EZH1: variants seen among roughly 807,000 people sequenced by gnomAD.
EZH1 encodes the protein histone-lysine N-methyltransferase EZH1.
In EZH1, 33 loss-of-function variants were observed where a neutral mutation model predicts 100.5. The ratio of observed to expected loss-of-function variants is 0.33; its 90% CI spans 0.25 to 0.44. The LOEUF (loss-of-function observed/expected upper bound fraction) is 0.44, where lower values mean the gene tolerates loss of function less well. EZH1 is among the 20% of genes least tolerant of loss of function. The pLI, the probability that EZH1 is intolerant of heterozygous loss-of-function variation, is 1.00. For missense variants in EZH1, 475 were observed against 928.4 expected (o/e 0.51, Z 6.35); for synonymous variants, 272 against 313.8 (o/e 0.87, Z 1.41).
intron 13 of EZH1, chr17:42,709,643 G>C (rs2053436226): frequency 1.8e-6 from 1 of 544,520 alleles, no homozygotes; most frequent in Admixed American, 3.1e-5. Context: ...ACAGCACTGG[G>C]GGACAAGAAG....
Position 42,706,313 on chromosome 17 carries a change from T to G in EZH1, c.1661-128A>C. 5.3e-6 allele frequency: 4 copies of G among 754,526 alleles called. No homozygotes were observed. The South Asian group carries it at 1.2e-4, about 23-fold the overall frequency. The allele number at this position is 754,526 out of a possible 1,614,324, so 46.7% of individuals were successfully genotyped here. Reference sequence around the variant, plus strand: ...GATGTTTGGCAAAATAAGAGGAAGCTCCCTTCCCAATAATCAAATACACAA... The same window carrying G: ...GATGTTTGGCAAAATAAGAGGAAGCGCCCTTCCCAATAATCAAATACACAA... On this transcript the variant is annotated intron_variant, in intron 15 of 20. Coordinates refer to ENST00000428826, the MANE Select transcript of EZH1 (RefSeq NM_001991.5). The surrounding 1 kb of genome is among the most constrained non-coding windows in gnomAD (Gnocchi z 4.4).
chr17:42,721,491 G>T (rs1307222969), intron 6 of EZH1, among the ~76,000 whole-genome samples: 1 of 152,034 alleles, frequency 6.6e-6, no homozygotes, highest in African/African-American at 2.4e-5. Flanking sequence ...GAACAAAATG[G>T]TCTTGGATGT....
intron 1 of EZH1, among the ~76,000 whole-genome samples, chr17:42,739,021 G>T (rs1488195514): frequency 6.6e-6 from 1 of 152,136 alleles, no homozygotes; most frequent in Non-Finnish European, 1.5e-5. Flanking sequence ...CTCCCAAAGT[G>T]CTGGGATTAC....
intron 5 of EZH1, among the ~76,000 whole-genome samples, chr17:42,723,151 C>T (rs975009545): frequency 6.6e-6 from 1 of 152,082 alleles, no homozygotes; most frequent in Non-Finnish European, 1.5e-5. Context: ...CCGAGGCAGG[C>T]GGATCATGAG....
At chr17:42,738,692 T>G (rs1031677657) in intron 1 of EZH1, among the ~76,000 whole-genome samples, 1 of 151,662 alleles carries the variant, frequency 6.6e-6, no homozygotes, top group East Asian at 1.9e-4. Context: ...CCTCAGGTAA[T>G]TCACCCACCT....
In EZH1 at chr17:42,702,658, C is replaced by G. The variant is rs1369983825; in HGVS notation, c.2184-66G>C. ...ACTTTTGTGATTGAAAAGGCGGAGT[C>G]CCCTCCCGTTTCACTTCCCCTCCCA... On this transcript the variant is annotated intron_variant, in intron 20 of 20. Transcript: ENST00000428826. 2.7e-6 allele frequency: 4 copies of G among 1,489,460 alleles called. No homozygotes were observed. The African/African-American group carries it at 5.5e-5, about 21-fold the overall frequency. 92.3% of individuals were successfully genotyped at this position (1,489,460 alleles called of 1,614,324 possible). A position where few individuals can be genotyped will look rare whatever the true frequency, so the allele number is the denominator to read the frequency against.
chr17:42,732,952 GTGCAA>G (rs2053981253), intron 1 of EZH1, among the ~76,000 whole-genome samples: 1 of 148,552 alleles, frequency 6.7e-6, no homozygotes, highest in South Asian at 2.1e-4. Context: ...ACTCTGTCAC[GTGCAA>G]TGGCTCATGC....
rs974487087 is a variant in EZH1, at chr17:42,737,232, C to G, written c.-102-6314G>C. On this transcript the variant is annotated intron_variant, in intron 1 of 20. Coordinates refer to ENST00000428826, the MANE Select transcript of EZH1 (RefSeq NM_001991.5). ...AACTCCTGACCTCAGGTGATCCACC[C>G]GCCTTGGCCTCCCAAAGTGCTGGGA... Among the ~76,000 whole-genome samples, 67 of 152,096 alleles carry G rather than the reference C, an allele frequency of 4.4e-4. 2 individuals carry two copies. Among genetic ancestry groups the G allele is most frequent in the African/African-American group, 1.5e-3 (61 of 41,496 alleles).
chr17:42,709,233 C>T (rs2053424318), intron 13 of EZH1: 1 of 309,526 alleles, frequency 3.2e-6, no homozygotes, highest in African/African-American at 2.1e-5. Flanking sequence ...CAAATCTCTC[C>T]CTTTGTCTTT....
At chr17:42,740,375 G>A (rs1003311160) in intron 1 of EZH1, among the ~76,000 whole-genome samples, 1 of 152,126 alleles carries the variant, frequency 6.6e-6, no homozygotes, top group Non-Finnish European at 1.5e-5. Context: ...GCGTAGCTGG[G>A]ACTACAGGTG....
At chr17:42,730,804 T>C in intron 2 of EZH1, 24 bp downstream of exon 2, 8 of 973,792 alleles carry the variant, frequency 8.2e-6, no homozygotes, top group Non-Finnish European at 9.8e-6. Context: ...CCAAGAAGTA[T>C]GTATTCTAAT....
intron 10 of EZH1, among the ~76,000 whole-genome samples, chr17:42,715,612 G>A (rs1413261036): frequency 6.6e-6 from 1 of 152,032 alleles, no homozygotes; most frequent in East Asian, 1.9e-4. Flanking sequence ...TTATAAGAAA[G>A]AGGAGACAGA....
At chr17:42,734,027 A>G (rs2054013892) in intron 1 of EZH1, among the ~76,000 whole-genome samples, 1 of 150,274 alleles carries the variant, frequency 6.7e-6, no homozygotes, top group African/African-American at 2.4e-5. Flanking sequence ...CAATAAGCTC[A>G]TGATTATATC....
At chr17:42,735,433 G>A (rs754760512) in intron 1 of EZH1, among the ~76,000 whole-genome samples, 2 of 151,842 alleles carry the variant, frequency 1.3e-5, no homozygotes, top group Non-Finnish European at 2.9e-5. Flanking sequence ...TTGGAGAGAT[G>A]GATTCATTGG....
In EZH1 at chr17:42,718,784, T is replaced by C. The variant is rs2271027; in HGVS notation, c.768-167A>G. Among the ~76,000 whole-genome samples, 2,487 of 152,098 alleles carry C rather than the reference T, an allele frequency of 0.016. 81 individuals are homozygous for C. The highest frequency in any genetic ancestry group is 0.098 in the South Asian group (470 of 4,820). ...GTAGATAACTAGAGTGGGTCCACCATTGTAATTATGCTGGGTTGGGCAAAT... is the reference window on the plus strand; with the variant it reads ...GTAGATAACTAGAGTGGGTCCACCACTGTAATTATGCTGGGTTGGGCAAAT... On this transcript the variant is annotated intron_variant, in intron 8 of 20. Transcript: ENST00000428826. This position sits in a 1 kb window ranked among gnomAD's most constrained non-coding sequence, Gnocchi z 4.2.
chr17:42,730,360 A>T (rs938410427), intron 2 of EZH1, among the ~76,000 whole-genome samples: 3 of 152,212 alleles, frequency 2.0e-5, no homozygotes, highest in Admixed American at 6.6e-5. Flanking sequence ...TAGTAATAAA[A>T]GTAGGATATG....
In EZH1 at chr17:42,717,969, A is replaced by G; in HGVS notation, c.1023+7T>C. ...GTTAATAATGCCAGAACAGCTTAAG[A>G]ACATACCAGCAAAAGGAAGCAGTCT... On this transcript the variant is annotated splice_region_variant and intron_variant, in intron 10 of 20. Transcript: ENST00000428826. The G allele has an allele frequency of 6.2e-7, 1 of 1,613,838 alleles. No homozygotes were observed. The highest frequency in any genetic ancestry group is 1.1e-5 in the South Asian group (1 of 91,072).
Position 42,718,981 on chromosome 17 carries a change from A to G in EZH1, c.767+124T>C. The G allele has an allele frequency of 1.4e-6, 1 of 734,228 alleles. No homozygotes were observed. The highest frequency in any genetic ancestry group is 2.3e-6 in the Non-Finnish European group (1 of 425,694). The allele number at this position is 734,228 out of a possible 1,614,324, so 45.5% of individuals were successfully genotyped here. A position where few individuals can be genotyped will look rare whatever the true frequency, so the allele number is the denominator to read the frequency against. On this transcript the variant is annotated intron_variant, in intron 8 of 20. Coordinates refer to ENST00000428826, the MANE Select transcript of EZH1 (RefSeq NM_001991.5). This position sits in a 1 kb window ranked among gnomAD's most constrained non-coding sequence, Gnocchi z 4.2. ...GTAATTGAGTAAGCAAGAAATAATC[A>G]AATTGCGGGCAAATCATAATGCCCT...
At chr17:42,707,587 G>A (rs2053384248) in intron 15 of EZH1, among the ~76,000 whole-genome samples, 1 of 151,996 alleles carries the variant, frequency 6.6e-6, no homozygotes, top group Non-Finnish European at 1.5e-5. Context: ...TAGAGATGAG[G>A]TTTCGCCAAG....
Sources: allele counts gnomAD v4.1 joint callset (sites outside exome capture counted in the v4.1 genomes callset), GRCh38; gene constraint gnomAD v4.1.1; non-coding constraint Gnocchi (gnomAD v3.1); transcripts MANE v1.5; gene names NCBI Gene and HGNC (gene_info 2026-07-23, HGNC 2026-07-21).